NAALADL2: variants seen among roughly 807,000 people sequenced by gnomAD.
NAALADL2 encodes the protein N-acetylated alpha-linked acidic dipeptidase like 2, also known as inactive N-acetylated-alpha-linked acidic dipeptidase-like protein 2.
In NAALADL2, 76 loss-of-function variants were observed where a neutral mutation model predicts 87.2. The observed-to-expected ratio is 0.87, with a 90% CI of 0.72 to 1.05. The LOEUF is 1.05. NAALADL2 is among the 50% of genes least tolerant of loss of function. The pLI is 0.00. For synonymous variants in NAALADL2, 354 were observed against 331.0 expected (o/e 1.07, Z -0.75); for missense variants, 1,089 against 945.8 (o/e 1.15, Z -1.99).
intron 1 of NAALADL2, among the ~76,000 whole-genome samples, chr3:174,987,568 CAAAAAA>C (rs1159602995): frequency 4.8e-5 from 1 of 20,842 alleles, no homozygotes; most frequent in African/African-American, 1.0e-4. Context: ...GACTCCGTCT[CAAAAAA>C]AAAAAAAAAA....
At position 175,563,741 on chromosome 3, in the gene NAALADL2, T is replaced by C. The variant is rs139814016; in HGVS notation, c.1654-12300T>C. On this transcript the variant is annotated intron_variant, in intron 9 of 13. Transcript: ENST00000454872. ...GGTGAACTAAGTTAAAACAGTGATATGAGTGAAAGACTCCTTGGTACAGTC... is the reference window on the plus strand; with the variant it reads ...GGTGAACTAAGTTAAAACAGTGATACGAGTGAAAGACTCCTTGGTACAGTC... 5.7e-3 allele frequency among the ~76,000 whole-genome samples: 865 copies of C among 152,274 alleles called. 8 individuals carry two copies. Among genetic ancestry groups the C allele is most frequent in the African/African-American group, 0.02 (820 of 41,546 alleles).
In NAALADL2 at chr3:175,767,898, A is replaced by G. The variant is rs373960435; in HGVS notation, c.2189+12480A>G. ...CTGAAACCGTTGCTGAAGAAAGCAG[A>G]TTCGGTTCTACTTCTGCCTTCCAAA... is the stretch of plus-strand genomic sequence containing the variant. On this transcript the variant is annotated intron_variant, in intron 13 of 13. Coordinates refer to ENST00000454872, the MANE Select transcript of NAALADL2 (RefSeq NM_207015.3). 2.6e-5 allele frequency among the ~76,000 whole-genome samples: 4 copies of G among 152,308 alleles called. No homozygotes were observed. The East Asian group carries it at 5.8e-4, about 22-fold the overall frequency.
intron 10 of NAALADL2, among the ~76,000 whole-genome samples, chr3:175,586,037 C>A (rs1720496722): frequency 6.6e-6 from 1 of 152,102 alleles, no homozygotes; most frequent in Non-Finnish European, 1.5e-5. Context: ...TACCCATGTG[C>A]TCTAACAATA....
intron 1 of NAALADL2, among the ~76,000 whole-genome samples, chr3:175,055,227 C>T (rs1022728621): frequency 3.9e-5 from 6 of 152,154 alleles, no homozygotes; most frequent in African/African-American, 1.4e-4. Context: ...TTCCCATTCT[C>T]GCATACGGCA....
chr3:175,738,522 C>T (rs1561063409), intron 12 of NAALADL2, among the ~76,000 whole-genome samples: 1 of 152,218 alleles, frequency 6.6e-6, no homozygotes, highest in Non-Finnish European at 1.5e-5. Flanking sequence ...GCTGGAATTA[C>T]AGGCATGAGC....
At chr3:175,777,672 C>T (rs1321890446) in intron 13 of NAALADL2, among the ~76,000 whole-genome samples, 1 of 152,074 alleles carries the variant, frequency 6.6e-6, no homozygotes, top group East Asian at 1.9e-4. Flanking sequence ...TCTGTGGTTG[C>T]AGTCAGAATA....
intron 1 of NAALADL2, among the ~76,000 whole-genome samples, chr3:174,997,617 G>A (rs1408493671): frequency 1.3e-5 from 2 of 152,070 alleles, no homozygotes; most frequent in African/African-American, 4.8e-5. Flanking sequence ...CTGAGATCAG[G>A]GGTTCAAGAC....
intron 9 of NAALADL2, among the ~76,000 whole-genome samples, chr3:175,482,405 GC>G (rs66918167): frequency 0.6 from 91,152 of 151,396 alleles, 29,466 homozygotes; most frequent in East Asian, 0.89. Context: ...TTCATCAAAA[GC>G]TTTTTAAGTA....
chr3:175,351,637 G>A (rs1763787165), intron 5 of NAALADL2, among the ~76,000 whole-genome samples: 1 of 152,088 alleles, frequency 6.6e-6, no homozygotes, highest in Admixed American at 6.6e-5. Flanking sequence ...TGGACTGGCA[G>A]GAAAGCTGGT....
chr3:174,956,841 A>G (rs1271877584), intron 1 of NAALADL2, among the ~76,000 whole-genome samples: 1 of 152,032 alleles, frequency 6.6e-6, no homozygotes, highest in Non-Finnish European at 1.5e-5. Flanking sequence ...AGTAGTTTCT[A>G]ATGAGGATTA....
intron 2 of NAALADL2, among the ~76,000 whole-genome samples, chr3:175,145,547 G>A (rs1365637610): frequency 1.3e-5 from 2 of 152,046 alleles, no homozygotes; most frequent in Non-Finnish European, 2.9e-5. Context: ...CCTTTCTTAA[G>A]CCTAGATTTA....
chr3:174,787,075 T>C (rs1716766849), intron 3 of NAALADL2, among the ~76,000 whole-genome samples: 1 of 151,822 alleles, frequency 6.6e-6, no homozygotes, highest in African/African-American at 2.4e-5. Context: ...TGCAATATAA[T>C]AAAACCAAAG....
intron 4 of NAALADL2, among the ~76,000 whole-genome samples, chr3:175,302,194 T>C (rs1757168660): frequency 6.6e-6 from 1 of 152,158 alleles, no homozygotes; most frequent in Non-Finnish European, 1.5e-5. Context: ...CTTCAAAGCA[T>C]TATAGTTTGG....
intron 3 of NAALADL2, among the ~76,000 whole-genome samples, chr3:174,839,251 C>T (rs1214974954): frequency 6.6e-6 from 1 of 152,102 alleles, no homozygotes; most frequent in Non-Finnish European, 1.5e-5. Flanking sequence ...GCAAAGGGCA[C>T]CCTATTCAAC....
intron 4 of NAALADL2, among the ~76,000 whole-genome samples, chr3:175,278,146 T>A (rs1029898388): frequency 6.6e-6 from 1 of 152,016 alleles, no homozygotes; most frequent in African/African-American, 2.4e-5. Flanking sequence ...ATAATAATAA[T>A]TTAGTGCATT....
intron 2 of NAALADL2, among the ~76,000 whole-genome samples, chr3:174,565,717 G>T (rs548040734): frequency 6.6e-6 from 1 of 152,110 alleles, no homozygotes; most frequent in East Asian, 1.9e-4. Context: ...GATTTGTTAA[G>T]ATTTTGTTTA....
chr3:175,144,427 A>G (rs1440314757), intron 2 of NAALADL2, among the ~76,000 whole-genome samples: 1 of 151,988 alleles, frequency 6.6e-6, no homozygotes, highest in Non-Finnish European at 1.5e-5. Context: ...TGAAAAATAT[A>G]TGAGTTAAGT....
chr3:174,779,397 G>A (rs1481071685), intron 3 of NAALADL2, among the ~76,000 whole-genome samples: 8 of 151,898 alleles, frequency 5.3e-5, no homozygotes, highest in Non-Finnish European at 1.5e-5. Context: ...TGGATAGATT[G>A]CAAAAATGTT....
chr3:175,307,665 GT>G, intron 4 of NAALADL2, among the ~76,000 whole-genome samples: 1 of 152,230 alleles, frequency 6.6e-6, no homozygotes, highest in East Asian at 1.9e-4. Context: ...ATCAGCCCTT[GT>G]TTCCAGGGAA....
Sources: allele counts gnomAD v4.1 joint callset (sites outside exome capture counted in the v4.1 genomes callset), GRCh38; gene constraint gnomAD v4.1.1; transcripts MANE v1.5; gene names NCBI Gene and HGNC (gene_info 2026-07-23, HGNC 2026-07-21).